Variants in AP3S1 observed in about 807,000 individuals in gnomAD.
AP3S1 encodes the protein AP-3 complex subunit sigma-1.
In AP3S1, 12 loss-of-function variants were observed where a neutral mutation model predicts 21.3. That is an observed-to-expected ratio of 0.56 (90% confidence interval 0.36 to 0.91). The LOEUF (loss-of-function observed/expected upper bound fraction) is 0.91, where lower values mean the gene tolerates loss of function less well. Among genes scored for constraint, AP3S1 ranks in the 40% least tolerant of loss-of-function variants. The pLI, the probability that AP3S1 is intolerant of heterozygous loss-of-function variation, is 0.01. For missense variants in AP3S1, 116 were observed against 225.0 expected (o/e 0.52, Z 3.10); for synonymous variants, 48 against 78.4 (o/e 0.61, Z 2.05).
At chr5:115,865,614 C>A (rs1329034230) in intron 1 of AP3S1, among the ~76,000 whole-genome samples, 1 of 152,144 alleles carries the variant, frequency 6.6e-6, no homozygotes, top group East Asian at 1.9e-4. Flanking sequence ...TTTTTACTAT[C>A]ATATTTTTAT....
intron 3 of AP3S1, among the ~76,000 whole-genome samples, chr5:115,879,363 A>G (rs532785449): frequency 6.3e-4 from 96 of 152,176 alleles, no homozygotes; most frequent in Non-Finnish European, 8.2e-4. Flanking sequence ...TTATTTTGAG[A>G]TATGTTCCAT....
chr5:115,891,160 G>T (rs1188457903), intron 3 of AP3S1, among the ~76,000 whole-genome samples: 1 of 152,170 alleles, frequency 6.6e-6, no homozygotes, highest in Non-Finnish European at 1.5e-5. Flanking sequence ...GATACTAAAT[G>T]ATACTAATTT....
At chr5:115,853,353 A>G (rs1258378969) in intron 1 of AP3S1, among the ~76,000 whole-genome samples, 1 of 152,094 alleles carries the variant, frequency 6.6e-6, no homozygotes, top group Non-Finnish European at 1.5e-5. Context: ...TTCTTAATAT[A>G]CTCTAAGTGC....
In AP3S1 at chr5:115,869,951, T is replaced by A. The variant is rs1025894125; in HGVS notation, c.162-66T>A. On this transcript the variant is annotated intron_variant, in intron 2 of 5. Coordinates refer to ENST00000316788, the MANE Select transcript of AP3S1 (RefSeq NM_001284.4). ...GTGGTTTTTAAACAAATTGTCAGTT[T>A]GCTTGAGCTAATGAAAATGATTCGC... 8 of 989,024 alleles carry A rather than the reference T, an allele frequency of 8.1e-6. No homozygotes were observed. The African/African-American group carries it at 1.3e-4, about 17-fold the overall frequency. 61.3% of individuals were successfully genotyped at this position (989,024 alleles called of 1,614,324 possible).
chr5:115,908,951 A>T, intron 5 of AP3S1: 1 of 977,392 alleles, frequency 1.0e-6, no homozygotes, highest in Non-Finnish European at 1.2e-6. Context: ...GTGTTTATTA[A>T]TGTTGGTGTT....
At chr5:115,884,269 CTCTTAAGTTA>C (rs1236934739) in intron 3 of AP3S1, among the ~76,000 whole-genome samples, 1 of 152,156 alleles carries the variant, frequency 6.6e-6, no homozygotes, top group African/African-American at 2.4e-5. Context: ...ATTATGGTTA[CTCTTAAGTTA>C]TCTTAAGTAT....
At chr5:115,905,624 G>A (rs1751583640) in intron 5 of AP3S1, among the ~76,000 whole-genome samples, 1 of 152,166 alleles carries the variant, frequency 6.6e-6, no homozygotes, top group Non-Finnish European at 1.5e-5. Flanking sequence ...TGAAAATTAT[G>A]ATGACTAATT....
At chr5:115,863,017 C>T (rs1235734688) in intron 1 of AP3S1, among the ~76,000 whole-genome samples, 5 of 152,130 alleles carry the variant, frequency 3.3e-5, no homozygotes, top group African/African-American at 1.2e-4. Flanking sequence ...AATCCCAGCA[C>T]TTTGGGAGGC....
intron 3 of AP3S1, among the ~76,000 whole-genome samples, chr5:115,884,010 A>G (rs1038950262): frequency 3.3e-5 from 5 of 152,170 alleles, no homozygotes; most frequent in Non-Finnish European, 7.3e-5. Flanking sequence ...GAAACAATTA[A>G]ATTTCCTATA....
chr5:115,852,536 G>T (rs891830414), intron 1 of AP3S1, among the ~76,000 whole-genome samples: 1 of 152,074 alleles, frequency 6.6e-6, no homozygotes, highest in African/African-American at 2.4e-5. Context: ...ATTATATCAT[G>T]GTTGTGCAAC....
chr5:115,908,132 T>G (rs919877818), intron 5 of AP3S1, among the ~76,000 whole-genome samples: 5 of 152,094 alleles, frequency 3.3e-5, no homozygotes, highest in Non-Finnish European at 5.9e-5. Flanking sequence ...TATTTTGAGA[T>G]TGTGGGCTAT....
At chr5:115,906,738 A>T in intron 5 of AP3S1, 1 of 1,046,192 alleles carries the variant, frequency 9.6e-7, no homozygotes, top group Non-Finnish European at 1.3e-6. Context: ...GTCTGAATTT[A>T]GTCACTACTT....
intron 4 of AP3S1, among the ~76,000 whole-genome samples, chr5:115,896,508 G>A (rs1200907357): frequency 6.6e-6 from 1 of 152,208 alleles, no homozygotes; most frequent in African/African-American, 2.4e-5. Flanking sequence ...ACCAGGTGCA[G>A]GTGCTCATGT....
intron 3 of AP3S1, among the ~76,000 whole-genome samples, chr5:115,884,590 G>C (rs937128601): frequency 5.9e-5 from 9 of 152,034 alleles, no homozygotes; most frequent in Admixed American, 1.3e-4. Flanking sequence ...ACAACAACAA[G>C]AAAAATCCCA....
chr5:115,849,177 G>T (rs1762266419), intron 1 of AP3S1, among the ~76,000 whole-genome samples: 1 of 152,140 alleles, frequency 6.6e-6, no homozygotes, highest in South Asian at 2.1e-4. Context: ...TTGCCCTGTG[G>T]GTTTACATTC....
intron 4 of AP3S1, among the ~76,000 whole-genome samples, chr5:115,899,120 A>G (rs1751002550): frequency 6.6e-6 from 1 of 152,190 alleles, no homozygotes; most frequent in Non-Finnish European, 1.5e-5. Context: ...TAGAGATCTG[A>G]TCGGAGGCCT....
chr5:115,882,673 G>A (rs1220400348), intron 3 of AP3S1, among the ~76,000 whole-genome samples: 1 of 150,522 alleles, frequency 6.6e-6, no homozygotes, highest in Non-Finnish European at 1.5e-5. Flanking sequence ...AGGAGGCACG[G>A]GGGTCAGGGA....
intron 1 of AP3S1, among the ~76,000 whole-genome samples, chr5:115,861,368 G>A (rs1404186175): frequency 6.6e-6 from 1 of 152,088 alleles, no homozygotes; most frequent in Non-Finnish European, 1.5e-5. Flanking sequence ...GGATTAGTCT[G>A]GCTTAGATTT....
chr5:115,862,511 T>C (rs1580644985), intron 1 of AP3S1, among the ~76,000 whole-genome samples: 1 of 152,184 alleles, frequency 6.6e-6, no homozygotes, highest in African/African-American at 2.4e-5. Context: ...CTACTCTCAG[T>C]GGAGAGAACT....
Sources: allele counts gnomAD v4.1 joint callset (sites outside exome capture counted in the v4.1 genomes callset), GRCh38; gene constraint gnomAD v4.1.1; transcripts MANE v1.5; gene names NCBI Gene and HGNC (gene_info 2026-07-23, HGNC 2026-07-21).